Variants in ZFHX3 observed in about 807,000 individuals in gnomAD.
ZFHX3 encodes the protein zinc finger homeobox protein 3.
Under a neutral mutation model 279.1 loss-of-function variants are expected in ZFHX3, and 42 were observed. That is an observed-to-expected ratio of 0.15 (90% CI 0.12 to 0.19). ZFHX3 has a LOEUF of 0.19. Among genes scored for constraint, ZFHX3 ranks in the 10% least tolerant of loss-of-function variants. ZFHX3 has a pLI of 1.00. For missense variants in ZFHX3, 4,981 were observed against 4,754.0 expected, an observed-to-expected ratio of 1.05 and a Z score of -1.40; for synonymous variants, 2,293 against 1,957.8, an observed-to-expected ratio of 1.17 and a Z score of -4.52.
chr16:73,740,265 T>G (rs544873923), intron 1 of ZFHX3, among the ~76,000 whole-genome samples: 7 of 152,326 alleles, frequency 4.6e-5, no homozygotes, highest in Admixed American at 2.6e-4. Context: ...CCTTGGGCAC[T>G]GGGCTTGCTT....
At chr16:73,225,631 A>G (rs2012569283) in intron 5 of ZFHX3, among the ~76,000 whole-genome samples, 1 of 152,210 alleles carries the variant, frequency 6.6e-6, no homozygotes, top group Non-Finnish European at 1.5e-5. Flanking sequence ...AAAGATTTGA[A>G]TAAATGTCTA....
chr16:73,107,952 G>A (rs951680491), intron 7 of ZFHX3, among the ~76,000 whole-genome samples: 3 of 152,144 alleles, frequency 2.0e-5, no homozygotes, highest in East Asian at 3.9e-4. Flanking sequence ...ACGAGGTCAG[G>A]AGATCGAGAC....
chr16:73,763,564 T>C (rs902886083), intron 1 of ZFHX3, among the ~76,000 whole-genome samples: 2 of 152,170 alleles, frequency 1.3e-5, no homozygotes, highest in Admixed American at 6.6e-5. Flanking sequence ...CTGGGCATCT[T>C]GGAGCATTGA....
intron 3 of ZFHX3, among the ~76,000 whole-genome samples, chr16:72,917,967 C>G (rs574517911): frequency 2.0e-5 from 3 of 152,132 alleles, no homozygotes; most frequent in African/African-American, 7.2e-5. Flanking sequence ...GGAATAAACA[C>G]GATGAAGAAA....
At chr16:73,372,861 C>A (rs929559114) in intron 3 of ZFHX3, among the ~76,000 whole-genome samples, 8 of 152,198 alleles carry the variant, frequency 5.3e-5, no homozygotes, top group Non-Finnish European at 1.2e-4. Flanking sequence ...TCCATTAACA[C>A]AAACTCAGTG....
intron 1 of ZFHX3, among the ~76,000 whole-genome samples, chr16:73,715,190 G>A (rs749285917): frequency 6.6e-6 from 1 of 151,976 alleles, no homozygotes; most frequent in East Asian, 1.9e-4. Context: ...TTCCCATCAC[G>A]TGCCTGCTTG....
chr16:72,957,208 G>C (rs186448457), intron 2 of ZFHX3, among the ~76,000 whole-genome samples: 321 of 152,328 alleles, frequency 2.1e-3, no homozygotes, highest in Non-Finnish European at 3.6e-3. Context: ...CGTAGCCAGA[G>C]TACAAGCATA....
chr16:73,379,077 C>T (rs1199974514), intron 3 of ZFHX3, among the ~76,000 whole-genome samples: 1 of 152,152 alleles, frequency 6.6e-6, no homozygotes, highest in Non-Finnish European at 1.5e-5. Flanking sequence ...GAGGATCTGT[C>T]AATGGCATGT....
chr16:73,342,167 T>C (rs1194938657), intron 3 of ZFHX3, among the ~76,000 whole-genome samples: 1 of 152,232 alleles, frequency 6.6e-6, no homozygotes, highest in Non-Finnish European at 1.5e-5. Flanking sequence ...TGATACATTC[T>C]GCTGGTGAGG....
chr16:73,353,965 A>C (rs1450523262), intron 3 of ZFHX3, among the ~76,000 whole-genome samples: 2 of 152,208 alleles, frequency 1.3e-5, no homozygotes, highest in Non-Finnish European at 2.9e-5. Context: ...AATATTCATA[A>C]TGAAGCAATC....
At chr16:73,640,787 T>G (rs976412672) in intron 2 of ZFHX3, among the ~76,000 whole-genome samples, 3 of 152,210 alleles carry the variant, frequency 2.0e-5, no homozygotes, top group African/African-American at 7.2e-5. Flanking sequence ...CAGATAATTA[T>G]TTCAGAAAAA....
intron 1 of ZFHX3, among the ~76,000 whole-genome samples, chr16:73,705,921 T>A (rs965633537): frequency 6.6e-6 from 1 of 152,116 alleles, no homozygotes; most frequent in East Asian, 1.9e-4. Context: ...ATGGTCCGAC[T>A]CTTGTTATAC....
chr16:73,778,310 A>T lies in ZFHX3; in HGVS notation c.-1607-98070T>A, dbSNP rs192579182. Among the ~76,000 whole-genome samples, 185 of 143,736 alleles carry T rather than the reference A, an allele frequency of 1.3e-3. 1 individual carries two copies. Among genetic ancestry groups the T allele is most frequent in the Admixed American group, 4.5e-3 (63 of 14,152 alleles). The allele number at this position is 143,736 out of a possible 152,430, so 94.3% of individuals were successfully genotyped here. On this transcript the variant is annotated intron_variant, in intron 1 of 17. Coordinates refer to the ZFHX3 transcript ENST00000641206. Reference sequence around the variant, plus strand: ...GAAATCTAGTCCTAAATCTATTTTGATGTCACTTACCATTTGGGCATTTAT... The same window carrying T: ...GAAATCTAGTCCTAAATCTATTTTGTTGTCACTTACCATTTGGGCATTTAT...
At chr16:73,723,091 GC>G (rs1212584475) in intron 1 of ZFHX3, among the ~76,000 whole-genome samples, 3 of 152,094 alleles carry the variant, frequency 2.0e-5, no homozygotes, top group Non-Finnish European at 4.4e-5. Flanking sequence ...TACCAAAGTG[GC>G]TCAATCCTAC....
chr16:73,316,780 C>A (rs2143183295), intron 4 of ZFHX3, among the ~76,000 whole-genome samples: 1 of 152,266 alleles, frequency 6.6e-6, no homozygotes, highest in Non-Finnish European at 1.5e-5. Flanking sequence ...CACTCCTGAC[C>A]AGTGAATGCA....
At chr16:72,792,466 TTTC>T (rs959301025) in intron 9 of ZFHX3, among the ~76,000 whole-genome samples, 1 of 152,132 alleles carries the variant, frequency 6.6e-6, no homozygotes, top group African/African-American at 2.4e-5. Context: ...TTCTTTTTTT[TTTC>T]TTTTTTTGAG....
chr16:72,957,793 T>TGGC lies in ZFHX3; in HGVS notation c.2350_2352dup (p.Ala784dup). The TGGC allele has an allele frequency of 6.2e-7, 1 of 1,611,736 alleles. No homozygotes were observed. The highest frequency in any genetic ancestry group is 8.5e-7 in the Non-Finnish European group (1 of 1,178,958). ...GGGGCCCCGCAGGAGCTACTGATAT[T>TGGC]GGCTGCCGCCGCCGCCGCAGCCACC... On this transcript the variant is annotated inframe_insertion, in exon 2 of 10. Transcript: ENST00000268489.
Position 73,834,630 on chromosome 16 carries a change from C to T in ZFHX3, c.-1608+57021G>A, listed in dbSNP as rs148210108. ...AGTGTCAGCTGGGCGTGGTGGCTCA[C>T]GCCTGTAATCCCAGCATTTTGGGAG... is the stretch of plus-strand genomic sequence containing the variant. On this transcript the variant is annotated intron_variant, in intron 1 of 17. Transcript: ENST00000641206. 5.8e-4 allele frequency among the ~76,000 whole-genome samples: 89 copies of T among 152,290 alleles called. 1 individual carries two copies. The highest frequency in any genetic ancestry group is 2.0e-3 in the African/African-American group (84 of 41,566).
intron 7 of ZFHX3, among the ~76,000 whole-genome samples, chr16:73,112,903 G>A (rs963547846): frequency 2.0e-5 from 3 of 151,982 alleles, no homozygotes; most frequent in East Asian, 1.9e-4. Context: ...CAGCCCCATC[G>A]GAGCCAGGCC....
Sources: gnomAD v4.1 joint callset for allele counts (sites outside exome capture counted in the v4.1 genomes callset) on GRCh38, gnomAD v4.1.1 for gene constraint, MANE v1.5 for transcripts, NCBI Gene and HGNC (gene_info 2026-07-23, HGNC 2026-07-21) for gene names.